TAX1BP1: variants seen among roughly 807,000 people sequenced by gnomAD.
TAX1BP1 encodes the protein Tax1 binding protein 1.
Under a neutral mutation model 97.7 loss-of-function variants are expected in TAX1BP1, and 62 were observed. That is an observed-to-expected ratio of 0.63 (90% CI 0.52 to 0.78). The LOEUF (loss-of-function observed/expected upper bound fraction) is 0.78. TAX1BP1 is among the 30% of genes least tolerant of loss of function. The pLI is 0.00. For synonymous variants in TAX1BP1, 340 were observed against 304.2 expected (o/e 1.12, Z -1.23); for missense variants, 867 against 916.1 (o/e 0.95, Z 0.69).
chr7:27,775,211 A>G (rs1204668351), intron 5 of TAX1BP1, among the ~76,000 whole-genome samples: 1 of 152,178 alleles, frequency 6.6e-6, no homozygotes, highest in African/African-American at 2.4e-5. Flanking sequence ...ATGCATCTCC[A>G]TTTCAGAAAG....
chr7:27,760,501 TCCTG>T (rs1788384940), intron 3 of TAX1BP1, among the ~76,000 whole-genome samples: 1 of 151,568 alleles, frequency 6.6e-6, no homozygotes, highest in African/African-American at 2.4e-5. Context: ...TTCGCCATTC[TCCTG>T]CCTCAGCCTC....
intron 5 of TAX1BP1, among the ~76,000 whole-genome samples, chr7:27,773,370 A>G (rs960727170): frequency 2.6e-5 from 4 of 152,108 alleles, no homozygotes; most frequent in Non-Finnish European, 5.9e-5. Context: ...AAATCATGCA[A>G]CCATTACCAT....
intron 13 of TAX1BP1, among the ~76,000 whole-genome samples, chr7:27,802,948 T>C (rs2128321015): frequency 6.6e-6 from 1 of 152,194 alleles, no homozygotes; most frequent in African/African-American, 2.4e-5. Context: ...AGTTGGTCAA[T>C]AAATGACAAG....
intron 13 of TAX1BP1, 132 bp downstream of exon 13, chr7:27,800,222 C>G: frequency 1.1e-6 from 1 of 872,780 alleles, no homozygotes; most frequent in Non-Finnish European, 1.6e-6. Flanking sequence ...TAAAAATGTA[C>G]TATATATTTA....
At chr7:27,748,430 A>C (rs1191619978) in intron 1 of TAX1BP1, 88 bp from the exon 2 acceptor site, 1 of 919,352 alleles carries the variant, frequency 1.1e-6, no homozygotes, top group Non-Finnish European at 1.5e-6. Context: ...AATATTCATG[A>C]AACTTATATT....
intron 3 of TAX1BP1, among the ~76,000 whole-genome samples, chr7:27,761,287 T>G (rs1019977506): frequency 6.6e-6 from 1 of 152,228 alleles, no homozygotes; most frequent in Non-Finnish European, 1.5e-5. Flanking sequence ...TTTTAACATC[T>G]TGTGTGCTCC....
intron 5 of TAX1BP1, among the ~76,000 whole-genome samples, chr7:27,776,141 T>C (rs995921320): frequency 1.3e-5 from 2 of 152,300 alleles, no homozygotes; most frequent in East Asian, 3.9e-4. Flanking sequence ...ATTTAGGAAA[T>C]TGAATTAACC....
chr7:27,801,103 CA>C (rs747004641), intron 13 of TAX1BP1, among the ~76,000 whole-genome samples: 1,977 of 49,278 alleles, frequency 0.04, 8 homozygotes, highest in Middle Eastern at 0.05. Context: ...GACTCCGTCT[CA>C]AAAAAAAAAA....
At chr7:27,780,321 G>T (rs947778925) in intron 5 of TAX1BP1, among the ~76,000 whole-genome samples, 3 of 152,094 alleles carry the variant, frequency 2.0e-5, no homozygotes, top group Admixed American at 1.3e-4. Flanking sequence ...TTTGTTTAAA[G>T]ATATTGGAAA....
rs907667089 is a variant in TAX1BP1, at chr7:27,785,051, A to G, written c.613-112A>G. On this transcript the variant is annotated intron_variant, in intron 5 of 16. Coordinates refer to ENST00000396319, the MANE Select transcript of TAX1BP1 (RefSeq NM_006024.7). ...TCTTAGCTTCTCAAATTTGGAGGGA[A>G]CAAATGTGGGATTAAAATTCTAAGA... The G allele has an allele frequency of 1.6e-4, 173 of 1,101,926 alleles. 1 individual carries two copies. The South Asian group carries it at 2.9e-3, about 19-fold the overall frequency. 68.3% of individuals were successfully genotyped at this position (1,101,926 alleles called of 1,614,324 possible). A position where few individuals can be genotyped will look rare whatever the true frequency, so the allele number is the denominator to read the frequency against.
chr7:27,822,379 T>C (rs1471985437), intron 15 of TAX1BP1, among the ~76,000 whole-genome samples: 3 of 152,184 alleles, frequency 2.0e-5, no homozygotes, highest in Non-Finnish European at 4.4e-5. Flanking sequence ...ACTGCTGTAG[T>C]GGAAATCCTA....
intron 8 of TAX1BP1, 136 bp downstream of exon 8, chr7:27,787,739 A>T: frequency 1.3e-6 from 1 of 776,326 alleles, no homozygotes; most frequent in East Asian, 2.8e-5. Flanking sequence ...GGAAGAACAG[A>T]ACAATGAATA....
At chr7:27,764,510 T>G (rs945793294) in intron 3 of TAX1BP1, among the ~76,000 whole-genome samples, 1 of 152,246 alleles carries the variant, frequency 6.6e-6, no homozygotes, top group Non-Finnish European at 1.5e-5. Flanking sequence ...ATCTTATTAC[T>G]GGTTATAATA....
rs1789784913 is a variant in TAX1BP1 at position 27,793,150 on chromosome 7, A to G, written c.1348A>G (p.Lys450Glu). ...TCTTCAGATGGCTGCAGACCATTAT[A>G]AAGAAAAATTTAAGGAATGCCAAAG... is the stretch of plus-strand genomic sequence containing the variant. ...LRLQMAADHY[K>E]EKFKECQRLQ... The change falls in exon 10 of 17, where the codon AAA (lysine) becomes GAA (glutamate). Residue 450 changes from lysine to glutamate, a missense_variant. By Grantham distance (56) the Lys-to-Glu change is moderately conservative. Transcript: ENST00000396319. 2 of 1,597,638 alleles carry G rather than the reference A, an allele frequency of 1.3e-6. No homozygotes were observed. Among genetic ancestry groups the G allele is most frequent in the Non-Finnish European group, 1.7e-6 (2 of 1,176,430 alleles).
chr7:27,827,848 T>C (rs1207964596), intron 16 of TAX1BP1, 28 bp downstream of exon 16: 1 of 1,601,790 alleles, frequency 6.2e-7, no homozygotes, highest in African/African-American at 1.3e-5. Context: ...TTTGTAGAAT[T>C]TGGGTTATAT....
At chr7:27,775,770 T>G (rs1313386631) in intron 5 of TAX1BP1, among the ~76,000 whole-genome samples, 1 of 152,182 alleles carries the variant, frequency 6.6e-6, no homozygotes, top group Non-Finnish European at 1.5e-5. Flanking sequence ...GACCCCAGCA[T>G]GCTCAAGACA....
rs1383043363 is a variant in TAX1BP1 at position 27,817,009 on chromosome 7, G to A, written c.2056G>A (p.Asp686Asn). 1 of 1,613,948 alleles carries A rather than the reference G, an allele frequency of 6.2e-7. No homozygotes were observed. The highest frequency in any genetic ancestry group is 8.5e-7 in the Non-Finnish European group (1 of 1,179,940). Residue 686 changes from aspartate to asparagine, a missense_variant, in exon 15 of 17, where the codon GAT becomes AAT. Coordinates refer to ENST00000396319, the MANE Select transcript of TAX1BP1 (RefSeq NM_006024.7). ...SQPARNFSRP[D>N]GLEDSEDSKE... is the part of the protein sequence containing the mutation. ...GCCTGCTCGAAACTTTAGTCGGCCT[G>A]ATGGCTTAGAGGACTCTGAGGATAG...
intron 13 of TAX1BP1, among the ~76,000 whole-genome samples, chr7:27,812,445 T>C (rs1186761544): frequency 1.3e-5 from 2 of 152,152 alleles, no homozygotes; most frequent in African/African-American, 4.8e-5. Context: ...TCTTTTTTCC[T>C]TTTTTACAAC....
At chr7:27,817,749 A>C (rs1385168850) in intron 15 of TAX1BP1, among the ~76,000 whole-genome samples, 2 of 152,132 alleles carry the variant, frequency 1.3e-5, no homozygotes, top group African/African-American at 2.4e-5. Context: ...TCTTTTCTTC[A>C]TAGTAGCTCT....
Sources: gnomAD v4.1 joint callset for allele counts (sites outside exome capture counted in the v4.1 genomes callset) on GRCh38, gnomAD v4.1.1 for gene constraint, MANE v1.5 for transcripts, NCBI Gene and HGNC (gene_info 2026-07-23, HGNC 2026-07-21) for gene names.